The following HCN1 variants were observed in gnomAD, a reference collection of about 807,000 sequenced individuals.
HCN1 encodes potassium/sodium hyperpolarization-activated cyclic nucleotide-gated channel 1.
A neutral mutation model predicts 78.9 loss-of-function variants in HCN1; 13 were observed. The observed-to-expected ratio is 0.16, with a 90% CI of 0.11 to 0.26. The LOEUF (loss-of-function observed/expected upper bound fraction) is 0.26, where lower values mean the gene tolerates loss of function less well. HCN1 is among the 10% of genes least tolerant of loss of function. The probability of loss-of-function intolerance (pLI) is 1.00; values close to 1 mark genes in which losing one functional copy is unlikely to be tolerated. For missense variants in HCN1, 810 were observed against 1,154.3 expected, an observed-to-expected ratio of 0.70 and a Z score of 4.32; for synonymous variants, 552 against 455.5, an observed-to-expected ratio of 1.21 and a Z score of -2.70.
At chr5:45,287,653 TA>T (rs1419871610) in intron 6 of HCN1, among the ~76,000 whole-genome samples, 1 of 152,074 alleles carries the variant, frequency 6.6e-6, no homozygotes, top group Non-Finnish European at 1.5e-5. Context: ...AGGTTATCTC[TA>T]GTTTTAAAAA....
intron 1 of HCN1, among the ~76,000 whole-genome samples, chr5:45,678,600 T>C (rs962269124): frequency 5.3e-5 from 8 of 151,942 alleles, no homozygotes; most frequent in African/African-American, 1.7e-4. Flanking sequence ...AGCTCTTCTT[T>C]GCTATTTTCA....
At chr5:45,409,597 G>A (rs1477452411) in intron 3 of HCN1, among the ~76,000 whole-genome samples, 1 of 151,876 alleles carries the variant, frequency 6.6e-6, no homozygotes, top group Admixed American at 6.6e-5. Flanking sequence ...TGATGACATG[G>A]TGCAAACATC....
rs565441630 is a variant in HCN1, at chr5:45,687,515, C to T, written c.425+8154G>A. On this transcript the variant is annotated intron_variant, in intron 1 of 7. Coordinates refer to ENST00000303230, the MANE Select transcript of HCN1 (RefSeq NM_021072.4). The stretch of plus-strand genomic sequence containing the variant: ...TCTGCTAACACATTTCATCCAAGAG[C>T]TGTTTTTTAAATTTCTTACTATTTT... 5.9e-5 allele frequency among the ~76,000 whole-genome samples: 9 copies of T among 152,136 alleles called. No individual in the cohort carries two copies. The South Asian group carries it at 1.7e-3, about 28-fold the overall frequency.
intron 4 of HCN1, among the ~76,000 whole-genome samples, chr5:45,379,804 C>T (rs1747766583): frequency 1.3e-5 from 2 of 151,816 alleles, no homozygotes; most frequent in Non-Finnish European, 2.9e-5. Context: ...AAAACCACAT[C>T]TGAAAATTAA....
At chr5:45,567,512 C>A (rs964523732) in intron 2 of HCN1, among the ~76,000 whole-genome samples, 6 of 150,824 alleles carry the variant, frequency 4.0e-5, no homozygotes, top group Non-Finnish European at 5.9e-5. Flanking sequence ...AAGATTAACA[C>A]AGGTTAACTA....
intron 4 of HCN1, among the ~76,000 whole-genome samples, chr5:45,374,158 C>CATTATATACATAATATATATTATAT (rs1747534491): frequency 2.9e-5 from 2 of 68,354 alleles, no homozygotes; most frequent in Non-Finnish European, 5.9e-5. Flanking sequence ...ATATAATATA[C>CATTATATACATAATATATATTATAT]ATTATATACA....
At chr5:45,521,739 A>G (rs1013178203) in intron 2 of HCN1, among the ~76,000 whole-genome samples, 1 of 151,998 alleles carries the variant, frequency 6.6e-6, no homozygotes, top group African/African-American at 2.4e-5. Flanking sequence ...AAATTAACCC[A>G]TAACAGCAAG....
At chr5:45,263,997 G>A (rs192283640) in intron 7 of HCN1, among the ~76,000 whole-genome samples, 2 of 152,102 alleles carry the variant, frequency 1.3e-5, no homozygotes, top group African/African-American at 4.8e-5. Flanking sequence ...GTTTCACCAT[G>A]TTAGCCAGGA....
intron 2 of HCN1, among the ~76,000 whole-genome samples, chr5:45,522,602 CT>C (rs79339415): frequency 0.081 from 11,421 of 141,164 alleles, 482 homozygotes; most frequent in East Asian, 0.16. Context: ...AGTCTCTTTT[CT>C]TTTTTTTTTT....
chr5:45,558,233 C>T (rs1246492628), intron 2 of HCN1: 2 of 151,910 alleles, frequency 1.3e-5, no homozygotes, highest in Non-Finnish European at 2.9e-5. Context: ...CCATGATGTT[C>T]CCTGAGCCAA....
chr5:45,300,375 C>A (rs1413833030), intron 6 of HCN1, among the ~76,000 whole-genome samples: 1 of 151,928 alleles, frequency 6.6e-6, no homozygotes, highest in Non-Finnish European at 1.5e-5. Flanking sequence ...GTAAAAGTAA[C>A]CCCTTCTCTT....
rs549204719 is a variant in HCN1 at position 45,373,703 on chromosome 5, G to A, written c.1231-20457C>T. ...ATAATATATTACATACGGTATATAC[G>A]TCATCTATAATATATTACGGTATAT... is the stretch of plus-strand genomic sequence containing the variant. On this transcript the variant is annotated intron_variant, in intron 4 of 7. Transcript: ENST00000303230. Among the ~76,000 whole-genome samples the A allele has an allele frequency of 5.5e-5, 6 of 109,648 alleles. 1 individual carries two copies. Among genetic ancestry groups the A allele is most frequent in the African/African-American group, 1.5e-4 (4 of 26,892 alleles). 71.9% of individuals were successfully genotyped at this position (109,648 alleles called of 152,430 possible).
chr5:45,301,750 G>C (rs1455169331), intron 6 of HCN1, among the ~76,000 whole-genome samples: 4 of 145,990 alleles, frequency 2.7e-5, no homozygotes, highest in African/African-American at 5.0e-5. Context: ...AGAAAGAAAA[G>C]CATTTCCATT....
chr5:45,559,336 T>C (rs1225023272), intron 2 of HCN1: 1 of 152,176 alleles, frequency 6.6e-6, no homozygotes, highest in East Asian at 1.9e-4. Context: ...ATAGCTGCCA[T>C]AGATAGTGAT....
chr5:45,439,998 A>T (rs1328072074), intron 3 of HCN1, among the ~76,000 whole-genome samples: 1 of 148,398 alleles, frequency 6.7e-6, no homozygotes, highest in Admixed American at 6.8e-5. Context: ...TAATGATAAT[A>T]TTATATAATG....
At chr5:45,270,201 C>T (rs142301866) in intron 6 of HCN1, among the ~76,000 whole-genome samples, 1 of 152,178 alleles carries the variant, frequency 6.6e-6, no homozygotes, top group South Asian at 2.1e-4. Context: ...TTTGGGGAGA[C>T]AGCAAAAGAC....
chr5:45,289,252 C>A (rs906753950), intron 6 of HCN1, among the ~76,000 whole-genome samples: 1 of 152,010 alleles, frequency 6.6e-6, no homozygotes, highest in Non-Finnish European at 1.5e-5. Context: ...ACTTATTATT[C>A]ATACAGAAAG....
rs572836605 is a variant in HCN1 at position 45,261,279 on chromosome 5, G to A, written c.*642C>T. 5.2e-4 allele frequency: 79 copies of A among 152,702 alleles called. No individual in the cohort carries two copies. The highest frequency in any genetic ancestry group is 1.8e-3 in the African/African-American group (73 of 41,562). 9.5% of individuals were successfully genotyped at this position (152,702 alleles called of 1,614,324 possible). A position where few individuals can be genotyped will look rare whatever the true frequency, so the allele number is the denominator to read the frequency against. On this transcript the variant is annotated 3_prime_UTR_variant, in exon 8 of 8. Coordinates refer to ENST00000303230, the MANE Select transcript of HCN1 (RefSeq NM_021072.4). ...GAAGACAAATATTAATTTTCCCTCA[G>A]CTTTCTGAAAGATCAATGAACATGT...
At chr5:45,622,699 T>C (rs1365057659) in intron 2 of HCN1, among the ~76,000 whole-genome samples, 1 of 151,768 alleles carries the variant, frequency 6.6e-6, no homozygotes, top group African/African-American at 2.4e-5. Context: ...GAAAAAGAGA[T>C]AAAAAGAAGC....
Sources: allele counts gnomAD v4.1 joint callset (sites outside exome capture counted in the v4.1 genomes callset), GRCh38; gene constraint gnomAD v4.1.1; transcripts MANE v1.5; gene names NCBI Gene and HGNC (gene_info 2026-07-23, HGNC 2026-07-21).